Variants in MRM1 observed in about 807,000 individuals in gnomAD.
The protein encoded by MRM1 is rRNA methyltransferase 1, mitochondrial.
Under a neutral mutation model 25.0 loss-of-function variants are expected in MRM1, and 24 were observed. The ratio of observed to expected loss-of-function variants is 0.96; its 90% CI spans 0.69 to 1.35. The LOEUF (loss-of-function observed/expected upper bound fraction) is 1.35, where lower values mean the gene tolerates loss of function less well. MRM1 is among the 40% of genes most tolerant of loss of function. The pLI is 0.00. For missense variants in MRM1, 431 were observed against 464.1 expected (o/e 0.93, Z 0.65); for synonymous variants, 188 against 199.2 (o/e 0.94, Z 0.47).
the MRM1 span, among the ~76,000 whole-genome samples, chr17:36,614,749 A>C: frequency 1.3e-5 from 2 of 152,238 alleles, no homozygotes; most frequent in African/African-American, 4.8e-5. Flanking sequence ...CACAGTGCCC[A>C]GTAAATTGTA....
the MRM1 span, among the ~76,000 whole-genome samples, chr17:36,617,971 G>A: frequency 6.6e-6 from 1 of 152,212 alleles, no homozygotes; most frequent in South Asian, 2.1e-4. Flanking sequence ...AGCAGCCGCT[G>A]GTTATCGATT....
rs1599584545 is a variant in MRM1, at chr17:36,608,530, A to C, written c.*115A>C. 2.9e-4 allele frequency: 95 copies of C among 323,238 alleles called. No individual in the cohort carries two copies. Among genetic ancestry groups the C allele is most frequent in the East Asian group, 6.2e-4 (7 of 11,252 alleles). 20.0% of individuals were successfully genotyped at this position (323,238 alleles called of 1,614,324 possible). ...GTGTGCACCAGGCCCATGTTTATTG[A>C]CCACAGTCTGGGGGGGGGGGAAGGG... On this transcript the variant is annotated 3_prime_UTR_variant, in exon 5 of 5. Coordinates refer to ENST00000614766, the MANE Select transcript of MRM1 (RefSeq NM_024864.5).
downstream of MRM1, among the ~76,000 whole-genome samples, chr17:36,611,190 C>G (rs1452736069): frequency 6.6e-6 from 1 of 152,224 alleles, no homozygotes; most frequent in Non-Finnish European, 1.5e-5. Context: ...GCCACTCACT[C>G]ATGTCCAAGA....
At chr17:36,627,778 A>G in the MRM1 span, among the ~76,000 whole-genome samples, 1 of 150,030 alleles carries the variant, frequency 6.7e-6, no homozygotes, top group Non-Finnish European at 1.5e-5. Context: ...GATTCAAGCA[A>G]TTCTCCTGCC....
In MRM1 at chr17:36,602,717, C is replaced by A; in HGVS notation, c.636+71C>A. 1 of 1,562,628 alleles carries A rather than the reference C, an allele frequency of 6.4e-7. No individual in the cohort carries two copies. The highest frequency in any genetic ancestry group is 8.8e-7 in the Non-Finnish European group (1 of 1,134,908). ...GCCTCTTCAAGGGGACGAAGCTAGC[C>A]CCTGGCGAGGGAGAGAAAGGGGCAT... On this transcript the variant is annotated intron_variant, in intron 2 of 4. Transcript: ENST00000614766. The surrounding 1 kb of genome is among the most constrained non-coding windows in gnomAD (Gnocchi z 4.1).
In MRM1 at chr17:36,602,787, A is replaced by C; in HGVS notation, c.636+141A>C. On this transcript the variant is annotated intron_variant, in intron 2 of 4. Coordinates refer to ENST00000614766, the MANE Select transcript of MRM1 (RefSeq NM_024864.5). This position sits in a 1 kb window ranked among gnomAD's most constrained non-coding sequence, Gnocchi z 4.1. ...GCCTTCTAAATCCCTCTGGGGATGG[A>C]AGGGTCCTGGAGTTTTTAAAACGGC... is the stretch of plus-strand genomic sequence containing the variant. The C allele has an allele frequency of 8.0e-7, 1 of 1,249,188 alleles. No homozygotes were observed. Among genetic ancestry groups the C allele is most frequent in the Non-Finnish European group, 1.1e-6 (1 of 897,866 alleles). The allele number at this position is 1,249,188 out of a possible 1,614,324, so 77.4% of individuals were successfully genotyped here.
chr17:36,615,659 CAAAA>C, the MRM1 span, among the ~76,000 whole-genome samples: 3 of 109,108 alleles, frequency 2.7e-5, no homozygotes, highest in Non-Finnish European at 5.7e-5. Context: ...AACTCCGTCT[CAAAA>C]AAAAAAAAAA....
chr17:36,611,365 C>T (rs1310260955), downstream of MRM1, among the ~76,000 whole-genome samples: 1 of 152,134 alleles, frequency 6.6e-6, no homozygotes, highest in Non-Finnish European at 1.5e-5. Flanking sequence ...GGGATAGTAC[C>T]ATTACTACCA....
At position 36,602,040 on chromosome 17, in the gene MRM1, G is replaced by T; in HGVS notation, c.230G>T (p.Gly77Val). ...GTGGCCCGGCTCCTGCTCCAGGCGG[G>T]TAAAGCTGGGCTGCAGGGGAAGCGG... ...RSVARLLLQA[G>V]KAGLQGKRAE... Residue 77 changes from glycine to valine, a missense_variant, in exon 1 of 5, where the codon GGT becomes GTT. Coordinates refer to ENST00000614766, the MANE Select transcript of MRM1 (RefSeq NM_024864.5). This position sits in a 1 kb window ranked among gnomAD's most constrained non-coding sequence, Gnocchi z 4.1. 6.2e-7 allele frequency: 1 copy of T among 1,610,328 alleles called. No homozygotes were observed.
chr17:36,607,768 G>A lies in MRM1; in HGVS notation c.735G>A (p.Glu245=). The stretch of plus-strand genomic sequence containing the variant: ...AGATCCCCATCATGAGTTGCTTGGA[G>A]TTCCTCTGGGAACGGCCTACTCTCC... ...SSEIPIMSCL[E]FLWERPTLLV... Residue 245 remains glutamate (E), a synonymous_variant, in exon 3 of 5, where the codon GAG becomes GAA. Coordinates refer to ENST00000614766, the MANE Select transcript of MRM1 (RefSeq NM_024864.5). 1.9e-6 allele frequency: 3 copies of A among 1,614,176 alleles called. No homozygotes were observed. The highest frequency in any genetic ancestry group is 1.7e-6 in the Non-Finnish European group (2 of 1,180,036).
In MRM1 at chr17:36,608,767, A is replaced by T; in HGVS notation, c.*352A>T. 16 of 186,798 alleles carry T rather than the reference A, an allele frequency of 8.6e-5. No individual in the cohort carries two copies. The highest frequency in any genetic ancestry group is 1.9e-4 in the South Asian group (1 of 5,190). 11.6% of individuals were successfully genotyped at this position (186,798 alleles called of 1,614,324 possible). ...GGGACCCGTTCCTCTTGAACCAGTC[A>T]TTGCCTGTGGCAAATGTGTGTATGA... On this transcript the variant is annotated 3_prime_UTR_variant, in exon 5 of 5. Coordinates refer to ENST00000614766, the MANE Select transcript of MRM1 (RefSeq NM_024864.5).
intron 2 of MRM1, among the ~76,000 whole-genome samples, chr17:36,604,137 C>T (rs1257739962): frequency 2.6e-5 from 4 of 152,186 alleles, no homozygotes; most frequent in South Asian, 2.1e-4. Context: ...TAGCAATTTT[C>T]CTCCTCTTCC....
At chr17:36,606,414 A>AT (rs35048409) in intron 2 of MRM1, among the ~76,000 whole-genome samples, 81,456 of 140,538 alleles carry the variant, frequency 0.58, 23,739 homozygotes, top group South Asian at 0.66. Flanking sequence ...CTGATGGATA[A>AT]TTTTTTTTTT....
Position 36,607,930 on chromosome 17 carries a change from G to T in MRM1, c.801G>T (p.Val267=). 1 of 1,614,118 alleles carries T rather than the reference G, an allele frequency of 6.2e-7. No homozygotes were observed. The change falls in exon 4 of 5, where the codon GTG becomes GTT. Residue 267 remains valine, a synonymous_variant. Coordinates refer to ENST00000614766, the MANE Select transcript of MRM1 (RefSeq NM_024864.5). The stretch of plus-strand genomic sequence containing the variant: ...AGGGCTCAGGTCTATCCCAGGAGGT[G>T]CAGGCCTCCTGCCAGCTTCTCCTCA... ...GNEGSGLSQE[V]QASCQLLLTI... is the part of the protein sequence containing the mutation.
chr17:36,612,941 G>T (rs958958159), downstream of MRM1, among the ~76,000 whole-genome samples: 1 of 152,160 alleles, frequency 6.6e-6, no homozygotes, highest in Non-Finnish European at 1.5e-5. Flanking sequence ...GTAGGCTCTG[G>T]CCCCTTTCAT....
the MRM1 span, among the ~76,000 whole-genome samples, chr17:36,623,092 G>A: frequency 6.6e-6 from 1 of 152,222 alleles, no homozygotes; most frequent in African/African-American, 2.4e-5. Flanking sequence ...AAGTATCACT[G>A]CCGCCTTTTG....
chr17:36,612,949 C>A (rs575708846), downstream of MRM1, among the ~76,000 whole-genome samples: 1 of 152,280 alleles, frequency 6.6e-6, no homozygotes, highest in African/African-American at 2.4e-5. Flanking sequence ...TGGCCCCTTT[C>A]ATCTGCAGTG....
chr17:36,601,747 C>A lies in MRM1; in HGVS notation c.-64C>A. The A allele has an allele frequency of 6.8e-7, 1 of 1,479,680 alleles. No homozygotes were observed. Among genetic ancestry groups the A allele is most frequent in the Non-Finnish European group, 9.0e-7 (1 of 1,115,320 alleles). The allele number at this position is 1,479,680 out of a possible 1,614,324, so 91.7% of individuals were successfully genotyped here. The stretch of plus-strand genomic sequence containing the variant: ...GTGTTGGGAGCCTGGGAGCGAACTG[C>A]GGCGCGGGTTACCGCTCCCGGGGAC... On this transcript the variant is annotated 5_prime_UTR_variant, in exon 1 of 5. Transcript: ENST00000614766.
chr17:36,623,725 T>TG, the MRM1 span, among the ~76,000 whole-genome samples: 5 of 152,170 alleles, frequency 3.3e-5, no homozygotes, highest in Admixed American at 3.3e-4. Flanking sequence ...GCTCCCTGGT[T>TG]GGTAAGTTCT....
Sources: allele counts gnomAD v4.1 joint callset (sites outside exome capture counted in the v4.1 genomes callset), GRCh38; gene constraint gnomAD v4.1.1; non-coding constraint Gnocchi (gnomAD v3.1); transcripts MANE v1.5; gene names NCBI Gene and HGNC (gene_info 2026-07-23, HGNC 2026-07-21).